LOC400499: variants seen among roughly 807,000 people sequenced by gnomAD.
chr16:11,433,183 A>T, the LOC400499 span, among the ~76,000 whole-genome samples: 1 of 152,210 alleles, frequency 6.6e-6, no homozygotes, highest in Non-Finnish European at 1.5e-5. Context: ...AATATTTCCC[A>T]TCTGGCCTTT....
chr16:11,475,158 G>A, the LOC400499 span, among the ~76,000 whole-genome samples: 11 of 151,936 alleles, frequency 7.2e-5, no homozygotes, highest in East Asian at 1.9e-4. Context: ...CCTCCAGCCC[G>A]CTTTTCCCCT....
the LOC400499 span, among the ~76,000 whole-genome samples, chr16:11,525,250 C>A: frequency 6.8e-6 from 1 of 147,940 alleles, no homozygotes; most frequent in Admixed American, 6.8e-5. Context: ...CTGCCTGGTG[C>A]GATCGTATTC....
the LOC400499 span, chr16:11,465,532 G>A: frequency 6.6e-6 from 1 of 151,888 alleles, no homozygotes; most frequent in African/African-American, 2.4e-5. Context: ...GGTACCCTTG[G>A]GTAAGAACCC....
At chr16:11,401,649 C>T in the LOC400499 span, among the ~76,000 whole-genome samples, 1 of 152,252 alleles carries the variant, frequency 6.6e-6, no homozygotes, top group Non-Finnish European at 1.5e-5. Context: ...GGAGGTCGCG[C>T]TCCTCCTCCA....
At chr16:11,422,050 C>A in the LOC400499 span, among the ~76,000 whole-genome samples, 13 of 152,066 alleles carry the variant, frequency 8.5e-5, no homozygotes, top group Admixed American at 3.9e-4. Flanking sequence ...CTCCGCCTGC[C>A]CCCAAAGTCT....
At chr16:11,501,013 G>T in the LOC400499 span, 2 of 398,852 alleles carry the variant, frequency 5.0e-6, no homozygotes, top group Non-Finnish European at 8.8e-6. Flanking sequence ...CGCCTGCAAA[G>T]CTCATCTCAC....
At chr16:11,450,389 A>G in the LOC400499 span, among the ~76,000 whole-genome samples, 1 of 152,208 alleles carries the variant, frequency 6.6e-6, no homozygotes, top group Non-Finnish European at 1.5e-5. Flanking sequence ...TCATCTGCCG[A>G]GCAGGGATGT....
chr16:11,513,011 G>A, the LOC400499 span, among the ~76,000 whole-genome samples: 880 of 152,322 alleles, frequency 5.8e-3, 6 homozygotes, highest in African/African-American at 0.02. Context: ...CAGAACACAC[G>A]GCAGGGGTTC....
the LOC400499 span, among the ~76,000 whole-genome samples, chr16:11,479,518 G>C: frequency 6.6e-6 from 1 of 151,792 alleles, no homozygotes; most frequent in Non-Finnish European, 1.5e-5. Context: ...AGCTACTTGG[G>C]AAGCTGAGGT....
At chr16:11,411,387 C>T in the LOC400499 span, 4 of 398,996 alleles carry the variant, frequency 1.0e-5, no homozygotes, top group Non-Finnish European at 1.3e-5. Context: ...CCAGTGCCCC[C>T]AGGGCCATGT....
chr16:11,468,210 T>C, the LOC400499 span, among the ~76,000 whole-genome samples: 1 of 152,268 alleles, frequency 6.6e-6, no homozygotes, highest in African/African-American at 2.4e-5. Context: ...GTTAGCGTAC[T>C]TTGTTAAGGC....
chr16:11,423,602 C>T, the LOC400499 span, among the ~76,000 whole-genome samples: 1 of 152,246 alleles, frequency 6.6e-6, no homozygotes, highest in Non-Finnish European at 1.5e-5. Flanking sequence ...ACGGTGCAGC[C>T]TGGCTTCAGG....
At chr16:11,445,320 C>T in the LOC400499 span, among the ~76,000 whole-genome samples, 1 of 151,794 alleles carries the variant, frequency 6.6e-6, no homozygotes, top group Non-Finnish European at 1.5e-5. Flanking sequence ...ACCTGGGAGG[C>T]TGAGGCAGAA....
chr16:11,493,164 G>C, the LOC400499 span, among the ~76,000 whole-genome samples: 1 of 152,186 alleles, frequency 6.6e-6, no homozygotes, highest in African/African-American at 2.4e-5. Context: ...TTGACTCTGA[G>C]TAAGAAGGGA....
chr16:11,393,161 C>CG, the LOC400499 span, among the ~76,000 whole-genome samples: 3 of 142,674 alleles, frequency 2.1e-5, no homozygotes, highest in East Asian at 4.1e-4. Context: ...GCCACCCCCC[C>CG]CCCTTTTTTT....
chr16:11,423,547 G>C, the LOC400499 span, among the ~76,000 whole-genome samples: 1 of 152,250 alleles, frequency 6.6e-6, no homozygotes, highest in Non-Finnish European at 1.5e-5. Context: ...AGTCACGCAA[G>C]TCAGGGAAAG....
the LOC400499 span, chr16:11,450,862 G>A: frequency 5.3e-6 from 8 of 1,500,092 alleles, no homozygotes; most frequent in African/African-American, 1.4e-5. Flanking sequence ...ACGGGGTAGA[G>A]AGGAAGCTTC....
the LOC400499 span, among the ~76,000 whole-genome samples, chr16:11,374,078 A>C: frequency 1.3e-5 from 2 of 152,222 alleles, no homozygotes; most frequent in African/African-American, 4.8e-5. Flanking sequence ...ATTAATTACT[A>C]AACTACAAAT....
At chr16:11,391,479 C>T in the LOC400499 span, among the ~76,000 whole-genome samples, 1 of 152,212 alleles carries the variant, frequency 6.6e-6, no homozygotes, top group Non-Finnish European at 1.5e-5. Context: ...CCAGAAAAAA[C>T]AAAGGCTGTA....
Sources: gnomAD v4.1 joint callset for allele counts (sites outside exome capture counted in the v4.1 genomes callset) on GRCh38, gnomAD v4.1.1 for gene constraint, MANE v1.5 for transcripts.